IL1RAPL2: variants seen among roughly 807,000 people sequenced by gnomAD.
IL1RAPL2 encodes X-linked interleukin-1 receptor accessory protein-like 2.
IL1RAPL2 carries 3 observed loss-of-function variants against 44.1 expected under a neutral mutation model. The ratio of observed to expected loss-of-function variants is 0.07; its 90% CI spans 0.03 to 0.18. IL1RAPL2 has a LOEUF of 0.18. Among genes scored for constraint, IL1RAPL2 ranks in the 10% least tolerant of loss-of-function variants. The pLI, the probability that IL1RAPL2 is intolerant of heterozygous loss-of-function variation, is 1.00. For missense variants in IL1RAPL2, 391 were observed against 496.4 expected, an observed-to-expected ratio of 0.79 and a Z score of 2.02; for synonymous variants, 181 against 178.8, an observed-to-expected ratio of 1.01 and a Z score of -0.10.
chrX:104,724,932 A>G (rs755517117), intron 2 of IL1RAPL2, among the ~76,000 whole-genome samples: 1 of 111,461 alleles, frequency 9.0e-6, no homozygotes, highest in Admixed American at 9.6e-5. Context: ...CATGTACAGA[A>G]TGTGCAGGTT....
intron 6 of IL1RAPL2, among the ~76,000 whole-genome samples, chrX:105,487,873 T>C (rs969858654): frequency 1.8e-5 from 2 of 112,101 alleles, no homozygotes; most frequent in African/African-American, 6.5e-5. Context: ...ACTGGATATC[T>C]CTGTCTATGT....
intron 2 of IL1RAPL2, among the ~76,000 whole-genome samples, chrX:105,066,353 A>G (rs781710885): frequency 1.8e-5 from 2 of 111,490 alleles, no homozygotes; most frequent in South Asian, 7.7e-4. Context: ...ACTGAGTAAC[A>G]GTTCCTTGAA....
intron 6 of IL1RAPL2, among the ~76,000 whole-genome samples, chrX:105,532,844 T>C (rs895419187): frequency 9.0e-6 from 1 of 111,545 alleles, no homozygotes; most frequent in Non-Finnish European, 1.9e-5. Flanking sequence ...ATTTCATATA[T>C]ACATACACCT....
chrX:105,245,758 T>C (rs1020570303), intron 4 of IL1RAPL2, among the ~76,000 whole-genome samples: 4 of 112,607 alleles, frequency 3.6e-5, no homozygotes, highest in Admixed American at 9.4e-5. Context: ...TTTGATAGGA[T>C]ATTGGCAAGA....
intron 5 of IL1RAPL2, among the ~76,000 whole-genome samples, chrX:105,380,192 G>T (rs1224890644): frequency 9.0e-6 from 1 of 111,606 alleles, no homozygotes; most frequent in Non-Finnish European, 1.9e-5. Context: ...TTGATGAATA[G>T]AAATGAGGAA....
intron 5 of IL1RAPL2, among the ~76,000 whole-genome samples, chrX:105,319,870 G>A (rs776260209): frequency 9.0e-6 from 1 of 111,346 alleles, no homozygotes; most frequent in Non-Finnish European, 1.9e-5. Context: ...TTTAATAGGC[G>A]ATCATAGAAA....
In IL1RAPL2 at chrX:105,575,152, T is replaced by C. The variant is rs200686529; in HGVS notation, c.772+90765T>C. On this transcript the variant is annotated intron_variant, in intron 6 of 10. Coordinates refer to ENST00000372582, the MANE Select transcript of IL1RAPL2 (RefSeq NM_017416.2). ...GTTCCAACAGTAAAAGCTGTGAGTCTCTCTTCTTACTTTTAATTTTTTAAT... is the reference window on the plus strand; with the variant it reads ...GTTCCAACAGTAAAAGCTGTGAGTCCCTCTTCTTACTTTTAATTTTTTAAT... Among the ~76,000 whole-genome samples the C allele has an allele frequency of 8.0e-5, 9 of 112,121 alleles. No individual in the cohort carries two copies. In the East Asian group the frequency reaches 2.5e-3, roughly 32 times the overall value.
At chrX:105,246,217 A>G (rs1402243453) in intron 4 of IL1RAPL2, among the ~76,000 whole-genome samples, 1 of 112,675 alleles carries the variant, frequency 8.9e-6, no homozygotes, top group Non-Finnish European at 1.9e-5. Flanking sequence ...GGCAGCAGAC[A>G]TACCTGTTTT....
At chrX:105,000,623 T>C (rs2030834286) in intron 2 of IL1RAPL2, among the ~76,000 whole-genome samples, 1 of 111,840 alleles carries the variant, frequency 8.9e-6, no homozygotes, top group Admixed American at 9.5e-5. Flanking sequence ...GCTCAATAAT[T>C]GCATTGACTA....
chrX:104,582,629 T>C (rs1326939413), intron 1 of IL1RAPL2, among the ~76,000 whole-genome samples: 1 of 85,727 alleles, frequency 1.2e-5, no homozygotes, highest in Non-Finnish European at 2.1e-5. Context: ...TCTTTCTTTC[T>C]TTCTTTCTTT....
intron 2 of IL1RAPL2, among the ~76,000 whole-genome samples, chrX:104,876,137 T>A (rs1181851062): frequency 1.8e-5 from 2 of 111,383 alleles, no homozygotes; most frequent in East Asian, 2.8e-4. Context: ...TTAATTTGGC[T>A]TGATAATGAA....
intron 2 of IL1RAPL2, among the ~76,000 whole-genome samples, chrX:104,936,497 A>AT: frequency 9.0e-6 from 1 of 111,461 alleles, no homozygotes; most frequent in Non-Finnish European, 1.9e-5. Context: ...TTTAGAGCTA[A>AT]TTTAAGGGAC....
intron 2 of IL1RAPL2, among the ~76,000 whole-genome samples, chrX:104,978,875 A>G (rs1250690604): frequency 9.0e-6 from 1 of 111,530 alleles, no homozygotes; most frequent in Non-Finnish European, 1.9e-5. Context: ...CATTAACTCT[A>G]TTGAGGAACA....
chrX:105,687,723 A>G (rs1273615420), intron 6 of IL1RAPL2, among the ~76,000 whole-genome samples: 2 of 111,944 alleles, frequency 1.8e-5, no homozygotes, highest in African/African-American at 3.3e-5. Context: ...AACTCAGTTT[A>G]TGAGGCCAAC....
intron 5 of IL1RAPL2, among the ~76,000 whole-genome samples, chrX:105,316,522 G>C (rs1161431181): frequency 9.0e-6 from 1 of 111,680 alleles, no homozygotes; most frequent in East Asian, 2.8e-4. Context: ...GGAAATTTGA[G>C]TACATGTGTA....
intron 1 of IL1RAPL2, among the ~76,000 whole-genome samples, chrX:104,624,717 T>A (rs1334382626): frequency 1.8e-5 from 2 of 111,989 alleles, no homozygotes; most frequent in African/African-American, 6.5e-5. Flanking sequence ...TACATACACA[T>A]GGCTATTCAT....
intron 6 of IL1RAPL2, among the ~76,000 whole-genome samples, chrX:105,597,848 C>G (rs2037223010): frequency 9.0e-6 from 1 of 111,535 alleles, no homozygotes; most frequent in Admixed American, 9.5e-5. Flanking sequence ...CCTTCATACA[C>G]TGTTGCAGAA....
chrX:105,618,416 C>G (rs1180317708), intron 6 of IL1RAPL2, among the ~76,000 whole-genome samples: 1 of 109,603 alleles, frequency 9.1e-6, no homozygotes, highest in Non-Finnish European at 1.9e-5. Context: ...GCATGTACCC[C>G]TAAACTTAAA....
intron 2 of IL1RAPL2, among the ~76,000 whole-genome samples, chrX:104,973,326 T>C (rs2030270992): frequency 8.9e-6 from 1 of 111,920 alleles, no homozygotes; most frequent in African/African-American, 3.3e-5. Context: ...ATGGAGGTGG[T>C]CAGGCACTCA....
Sources: gnomAD v4.1 joint callset for allele counts (sites outside exome capture counted in the v4.1 genomes callset) on GRCh38, gnomAD v4.1.1 for gene constraint, MANE v1.5 for transcripts, NCBI Gene and HGNC (gene_info 2026-07-23, HGNC 2026-07-21) for gene names.